Variants in CKMT2 observed in about 807,000 individuals in gnomAD.
CKMT2 encodes the protein creatine kinase, mitochondrial 2, also known as creatine kinase S-type, mitochondrial.
In CKMT2, 43 loss-of-function variants were observed where a neutral mutation model predicts 48.9. That is an observed-to-expected ratio of 0.88 (90% CI 0.69 to 1.13). CKMT2 has a LOEUF of 1.13. Ranked by LOEUF, CKMT2 falls within the 50% of genes most tolerant of loss-of-function variation. The pLI, the probability that CKMT2 is intolerant of heterozygous loss-of-function variation, is 0.00. For synonymous variants in CKMT2, 206 were observed against 213.0 expected (o/e 0.97, Z 0.29); for missense variants, 472 against 555.4 (o/e 0.85, Z 1.51).
At chr5:81,235,896 A>G (rs1756229447) in intron 1 of CKMT2, 1 of 152,180 alleles carries the variant, frequency 6.6e-6, no homozygotes, top group African/African-American at 2.4e-5. Context: ...TATTCTGCCA[A>G]TTTTAGCCTA....
intron 1 of CKMT2, among the ~76,000 whole-genome samples, chr5:81,247,788 C>T (rs997237312): frequency 6.6e-6 from 1 of 152,140 alleles, no homozygotes; most frequent in Admixed American, 6.5e-5. Context: ...AGCAGGAATT[C>T]TTTGCTTCAC....
intron 1 of CKMT2, among the ~76,000 whole-genome samples, chr5:81,247,195 C>G (rs1756640996): frequency 6.6e-6 from 1 of 152,152 alleles, no homozygotes; most frequent in South Asian, 2.1e-4. Context: ...TGATAATGCT[C>G]AGAACATGGA....
intron 8 of CKMT2, 21 bp from the exon 9 acceptor site, chr5:81,263,470 A>G (rs748648467): frequency 2.6e-6 from 4 of 1,552,652 alleles, no homozygotes; most frequent in South Asian, 1.2e-5. Context: ...AGCACATTTA[A>G]GTATTATCCC....
rs537796038 is a variant in CKMT2 at position 81,251,173 on chromosome 5, C to G, written c.41C>G (p.Ala14Gly). The G allele has an allele frequency of 6.8e-6, 11 of 1,614,100 alleles. No individual in the cohort carries two copies. The African/African-American group carries it at 1.5e-4, about 22-fold the overall frequency. ...TCTAAGTTGCTAACTGGCCGCAATG[C>G]TTCTCTGCTGTTTGCTACCATGGGC... ...IFSKLLTGRN[A>G]SLLFATMGTS... The change falls in exon 2 of 10, where the codon GCT becomes GGT. Residue 14 changes from alanine (A) to glycine (G), a missense_variant. By Grantham distance (60) the Ala-to-Gly change is moderately conservative. Coordinates refer to ENST00000254035, the MANE Select transcript of CKMT2 (RefSeq NM_001099735.2).
rs57086010 is a variant in CKMT2 at position 81,239,794 on chromosome 5, G to A, written c.-21+6417G>A. On this transcript the variant is annotated intron_variant, in intron 1 of 9. Transcript: ENST00000254035. The stretch of plus-strand genomic sequence containing the variant: ...ATTTCTAGTTGCCCAGCAGAGGGCC[G>A]TGGTTAAGAGTGTGGACTATGACTG... 5.3e-5 allele frequency among the ~76,000 whole-genome samples: 8 copies of A among 151,974 alleles called. No homozygotes were observed. In the East Asian group the frequency reaches 9.7e-4, roughly 18 times the overall value.
chr5:81,256,891 T>C (rs754227521), intron 5 of CKMT2, 24 bp from the exon 6 acceptor site: 1 of 1,573,414 alleles, frequency 6.4e-7, no homozygotes, highest in Non-Finnish European at 8.7e-7. Flanking sequence ...CTCTCCTCTC[T>C]GCTTTATCCC....
chr5:81,240,216 T>C (rs960575002), intron 1 of CKMT2, among the ~76,000 whole-genome samples: 1 of 152,272 alleles, frequency 6.6e-6, no homozygotes, highest in African/African-American at 2.4e-5. Context: ...CTGCTTCCCC[T>C]CAGTGCTGCC....
chr5:81,254,892 G>A (rs1219100514), intron 4 of CKMT2, 101 bp from the exon 5 acceptor site: 16 of 969,022 alleles, frequency 1.7e-5, no homozygotes, highest in Non-Finnish European at 2.3e-5. Context: ...AGTGCCTGAG[G>A]GTCCCCAGGG....
At chr5:81,258,955 T>C (rs549637248) in intron 7 of CKMT2, among the ~76,000 whole-genome samples, 165 bp from the exon 8 acceptor site, 2 of 152,268 alleles carry the variant, frequency 1.3e-5, no homozygotes, top group East Asian at 1.9e-4. Flanking sequence ...ATTTTAATAG[T>C]CTGGTAGGAG....
chr5:81,242,911 A>C (rs1336068543), intron 1 of CKMT2, among the ~76,000 whole-genome samples: 1 of 152,246 alleles, frequency 6.6e-6, no homozygotes, highest in Non-Finnish European at 1.5e-5. Context: ...GAATAGGTCA[A>C]GATGCTATCT....
intron 1 of CKMT2, among the ~76,000 whole-genome samples, chr5:81,239,773 C>A (rs897573770): frequency 5.9e-5 from 9 of 152,074 alleles, no homozygotes; most frequent in Non-Finnish European, 1.0e-4. Context: ...CACACAATTT[C>A]TAGTTGCCCA....
At position 81,252,833 on chromosome 5, in the gene CKMT2, C is replaced by T. The variant is rs1756869812; in HGVS notation, c.291C>T (p.Asn97=). 6.2e-7 allele frequency: 1 copy of T among 1,614,200 alleles called. No homozygotes were observed. The highest frequency in any genetic ancestry group is 8.5e-7 in the Non-Finnish European group (1 of 1,180,032). Residue 97 remains asparagine, a synonymous_variant, in exon 3 of 10, where the codon AAC becomes AAT. Coordinates refer to ENST00000254035, the MANE Select transcript of CKMT2 (RefSeq NM_001099735.2). ...AGTGCATCCAGACTGGAGTGGACAA[C>T]CCTGGCCACCCCTTCATAAAGACTG... ...LDQCIQTGVD[N]PGHPFIKTVG... is the part of the protein sequence containing the mutation.
intron 5 of CKMT2, among the ~76,000 whole-genome samples, chr5:81,255,604 A>G (rs4704717): frequency 0.35 from 53,391 of 151,922 alleles, 9,854 homozygotes; most frequent in Admixed American, 0.48. Flanking sequence ...TGGAAGCTAC[A>G]AAAATCTAGA....
chr5:81,263,320 T>A (rs1757289565), intron 8 of CKMT2, among the ~76,000 whole-genome samples, 171 bp from the exon 9 acceptor site: 3 of 149,400 alleles, frequency 2.0e-5, no homozygotes, highest in Admixed American at 1.3e-4. Context: ...ACGCTTTATT[T>A]AGTTAATCTA....
At chr5:81,244,840 CCTCA>C (rs1449870753) in intron 1 of CKMT2, 2 of 150,564 alleles carry the variant, frequency 1.3e-5, no homozygotes, top group Non-Finnish European at 2.9e-5. Flanking sequence ...CATGCATCCC[CCTCA>C]CTATTTTTTT....
At chr5:81,244,868 T>TG in intron 1 of CKMT2, 1 of 151,066 alleles carries the variant, frequency 6.6e-6, no homozygotes, top group African/African-American at 2.4e-5. Context: ...TTTTTTTTTT[T>TG]TGAGACAGAG....
intron 2 of CKMT2, among the ~76,000 whole-genome samples, chr5:81,251,592 A>G (rs1415056425): frequency 1.3e-5 from 2 of 152,200 alleles, no homozygotes; most frequent in Non-Finnish European, 2.9e-5. Flanking sequence ...GTCTCAAAAC[A>G]AAACAAAACA....
Position 81,252,877 on chromosome 5 carries a change from A to G in CKMT2, c.335A>G (p.Asp112Gly). The G allele has an allele frequency of 6.2e-7, 1 of 1,614,198 alleles. No individual in the cohort carries two copies. The highest frequency in any genetic ancestry group is 8.5e-7 in the Non-Finnish European group (1 of 1,180,022). The part of the protein sequence containing the change: ...FIKTVGMVAG[D>G]EESYEVFADL... ...AAGACTGTGGGCATGGTGGCTGGTG[A>G]CGAGGAGTCCTATGAGGTAAAACTA... The change falls in exon 3 of 10, where the codon GAC (aspartate) becomes GGC (glycine). Residue 112 changes from aspartate to glycine, a missense_variant. Asp to Gly is a moderately conservative substitution (Grantham distance 94). Transcript: ENST00000254035.
Position 81,255,196 on chromosome 5 carries a change from C to T in CKMT2, c.651C>T (p.Asp217=), listed in dbSNP as rs1195348237. ...YYKLSEMTEQ[D]QQRLIDDHFL... is the part of the protein sequence containing the mutation. The stretch of plus-strand genomic sequence containing the variant: ...AGCTGTCCGAGATGACGGAGCAGGA[C>T]CAGCAGCGGCTCATCGATGTGAGTA... Residue 217 remains aspartate (D), a synonymous_variant, in exon 5 of 10, where the codon GAC becomes GAT. Coordinates refer to ENST00000254035, the MANE Select transcript of CKMT2 (RefSeq NM_001099735.2). 14 of 1,613,894 alleles carry T rather than the reference C, an allele frequency of 8.7e-6. No homozygotes were observed. Among genetic ancestry groups the T allele is most frequent in the Non-Finnish European group, 1.2e-5 (14 of 1,180,010 alleles).
Sources: allele counts gnomAD v4.1 joint callset (sites outside exome capture counted in the v4.1 genomes callset), GRCh38; gene constraint gnomAD v4.1.1; transcripts MANE v1.5; gene names NCBI Gene and HGNC (gene_info 2026-07-23, HGNC 2026-07-21).